Variants in RBFOX1 observed in about 807,000 individuals in gnomAD.
The protein encoded by RBFOX1 is RNA binding protein fox-1 homolog 1.
RBFOX1 carries 8 observed loss-of-function variants against 57.7 expected under a neutral mutation model. That is an observed-to-expected ratio of 0.14 (90% confidence interval 0.08 to 0.25). The LOEUF is 0.25. RBFOX1 is among the 10% of genes least tolerant of loss of function. RBFOX1 has a pLI of 1.00. For synonymous variants in RBFOX1, 326 were observed against 222.4 expected (o/e 1.47, Z -4.15); for missense variants, 611 against 548.5 (o/e 1.11, Z -1.14).
At chr16:5,765,725 GC>G (rs1343074925) in intron 3 of RBFOX1, among the ~76,000 whole-genome samples, 3 of 152,196 alleles carry the variant, frequency 2.0e-5, no homozygotes, top group African/African-American at 4.8e-5. Context: ...TTCAAAATCA[GC>G]CAGTGAAGCA....
chr16:7,462,729 G>C (rs1162154703), intron 4 of RBFOX1, among the ~76,000 whole-genome samples: 2 of 152,224 alleles, frequency 1.3e-5, no homozygotes, highest in African/African-American at 2.4e-5. Context: ...GGCCCTCAAA[G>C]CTTTGCTGGC....
chr16:6,577,833 C>A (rs1364950569), intron 2 of RBFOX1, among the ~76,000 whole-genome samples: 1 of 152,248 alleles, frequency 6.6e-6, no homozygotes, highest in African/African-American at 2.4e-5. Flanking sequence ...AAAAATAAAC[C>A]AGATAGTGAA....
chr16:5,414,114 A>G (rs1217985426), intron 1 of RBFOX1, among the ~76,000 whole-genome samples: 1 of 152,168 alleles, frequency 6.6e-6, no homozygotes, highest in Non-Finnish European at 1.5e-5. Context: ...GGGACCTGCA[A>G]GTGCACTCCC....
At chr16:5,635,000 C>T (rs2048635266) in intron 3 of RBFOX1, among the ~76,000 whole-genome samples, 1 of 152,136 alleles carries the variant, frequency 6.6e-6, no homozygotes, top group South Asian at 2.1e-4. Flanking sequence ...TTGGTCAAGA[C>T]TGGGTCATGT....
intron 4 of RBFOX1, among the ~76,000 whole-genome samples, chr16:5,942,557 A>T (rs2059304097): frequency 6.6e-6 from 1 of 152,212 alleles, no homozygotes; most frequent in Admixed American, 6.5e-5. Context: ...TCGTTTAATT[A>T]TGCCTACCTC....
At chr16:7,270,542 C>G (rs922232693) in intron 4 of RBFOX1, among the ~76,000 whole-genome samples, 1 of 152,214 alleles carries the variant, frequency 6.6e-6, no homozygotes, top group East Asian at 1.9e-4. Flanking sequence ...TCTTGCAATG[C>G]AGTGGTGGCT....
At chr16:6,425,861 T>A (rs894459611) in intron 2 of RBFOX1, among the ~76,000 whole-genome samples, 2 of 152,172 alleles carry the variant, frequency 1.3e-5, no homozygotes, top group African/African-American at 4.8e-5. Flanking sequence ...CATAGCATAA[T>A]GTCAATCATT....
At chr16:6,883,008 C>A (rs913842914) in intron 3 of RBFOX1, among the ~76,000 whole-genome samples, 1 of 152,106 alleles carries the variant, frequency 6.6e-6, no homozygotes, top group Non-Finnish European at 1.5e-5. Flanking sequence ...TTGTTAAGTC[C>A]AATCTGCAGA....
intron 3 of RBFOX1, among the ~76,000 whole-genome samples, chr16:6,856,178 C>T (rs1476743390): frequency 6.6e-6 from 1 of 151,868 alleles, no homozygotes; most frequent in Non-Finnish European, 1.5e-5. Context: ...TCCTTCCCTT[C>T]TTCAAATGTG....
intron 3 of RBFOX1, among the ~76,000 whole-genome samples, chr16:5,852,899 A>T (rs968951749): frequency 1.2e-4 from 18 of 152,092 alleles, no homozygotes; most frequent in Non-Finnish European, 1.9e-4. Context: ...ACTCTTACCC[A>T]TCCTGCAAGA....
intron 2 of RBFOX1, among the ~76,000 whole-genome samples, chr16:6,557,430 C>G (rs1483388750): frequency 2.0e-5 from 3 of 152,098 alleles, no homozygotes; most frequent in African/African-American, 7.2e-5. Context: ...TACGATTTCA[C>G]AATAACAGCC....
chr16:6,827,659 C>A (rs2092320996), intron 3 of RBFOX1, among the ~76,000 whole-genome samples: 1 of 152,198 alleles, frequency 6.6e-6, no homozygotes, highest in Non-Finnish European at 1.5e-5. Context: ...CCCTCCTCAC[C>A]CTTTTGAGGT....
In RBFOX1 at chr16:7,567,791, GTATACCTATATATATCCCCATATA is replaced by G. The variant is rs757723910; in HGVS notation, c.271-11944_271-11921del. Among the ~76,000 whole-genome samples, 438 of 144,792 alleles carry G rather than the reference GTATACCTATATATATCCCCATATA, an allele frequency of 3.0e-3. 1 individual carries two copies. Among genetic ancestry groups the G allele is most frequent in the Non-Finnish European group, 4.3e-3 (285 of 66,472 alleles). The allele number at this position is 144,792 out of a possible 152,430, so 95.0% of individuals were successfully genotyped here. ...TATCCCTCTCTATATATATCCATAT[GTATACCTATATATATCCCCATATA>G]TATACCTATATATATCCCCATATAT... On this transcript the variant is annotated intron_variant, in intron 5 of 15. Coordinates refer to ENST00000550418, the MANE Select transcript of RBFOX1 (RefSeq NM_018723.4).
rs542144760 is a variant in RBFOX1 at position 7,117,073 on chromosome 16, C to G, written c.27+64975C>G. On this transcript the variant is annotated intron_variant, in intron 4 of 15. Coordinates refer to ENST00000550418, the MANE Select transcript of RBFOX1 (RefSeq NM_018723.4). ...TTGTCAAACATCAGCTATAAATACT[C>G]AAAAGCAGCTAAAATAATGATATAT... Among the ~76,000 whole-genome samples, 11 of 152,178 alleles carry G rather than the reference C, an allele frequency of 7.2e-5. No individual in the cohort carries two copies. In the South Asian group the frequency reaches 1.5e-3, roughly 20 times the overall value.
At chr16:7,693,219 C>G in intron 14 of RBFOX1, 3 of 967,636 alleles carry the variant, frequency 3.1e-6, no homozygotes, top group Non-Finnish European at 5.0e-6. Flanking sequence ...ACACGCAGCA[C>G]CCTTCCCTCC....
At chr16:6,150,876 C>T (rs553083924) in intron 1 of RBFOX1, among the ~76,000 whole-genome samples, 3 of 152,164 alleles carry the variant, frequency 2.0e-5, no homozygotes, top group Admixed American at 6.5e-5. Flanking sequence ...GTTGTCTTGA[C>T]GTGCAGCTGA....
At chr16:7,347,967 T>C (rs549278265) in intron 4 of RBFOX1, among the ~76,000 whole-genome samples, 8 of 152,310 alleles carry the variant, frequency 5.3e-5, no homozygotes, top group African/African-American at 1.9e-4. Flanking sequence ...AGCTGTCTGT[T>C]TGTAGAAAGC....
At chr16:7,130,319 AGCCACCAC>A (rs2069926020) in intron 4 of RBFOX1, among the ~76,000 whole-genome samples, 2 of 152,112 alleles carry the variant, frequency 1.3e-5, no homozygotes, top group Admixed American at 1.3e-4. Flanking sequence ...GTAGGCATGA[AGCCACCAC>A]GCCAGGCCTG....
chr16:7,166,145 A>G (rs760121425), intron 4 of RBFOX1, among the ~76,000 whole-genome samples: 5 of 151,914 alleles, frequency 3.3e-5, no homozygotes, highest in Non-Finnish European at 7.4e-5. Context: ...TTCCGAGTAG[A>G]TGGGATTACA....
Sources: gnomAD v4.1 joint callset for allele counts (sites outside exome capture counted in the v4.1 genomes callset) on GRCh38, gnomAD v4.1.1 for gene constraint, MANE v1.5 for transcripts, NCBI Gene and HGNC (gene_info 2026-07-23, HGNC 2026-07-21) for gene names.